The following PDE4A variants were observed in gnomAD, a reference collection of about 807,000 sequenced individuals.
PDE4A encodes the protein 3',5'-cyclic-AMP phosphodiesterase 4A.
PDE4A carries 21 observed loss-of-function variants against 73.9 expected under a neutral mutation model. The observed-to-expected ratio is 0.28, with a 90% CI of 0.20 to 0.41. The LOEUF is 0.41. PDE4A is among the 10% of genes least tolerant of loss of function. The pLI, the probability that PDE4A is intolerant of heterozygous loss-of-function variation, is 1.00. For missense variants in PDE4A, 958 were observed against 1,211.4 expected (o/e 0.79, Z 3.10); for synonymous variants, 463 against 505.4 (o/e 0.92, Z 1.13).
At chr19:10,449,023 C>T in intron 3 of PDE4A, 57 bp from the exon 4 acceptor site, 3 of 1,609,354 alleles carry the variant, frequency 1.9e-6, no homozygotes, top group Non-Finnish European at 2.5e-6. Flanking sequence ...GGGACAGGGC[C>T]CAGCCCCGCT....
chr19:10,417,241 G>C (rs927462180), upstream of PDE4A: 34 of 985,256 alleles, frequency 3.5e-5, no homozygotes, highest in African/African-American at 5.6e-4. Context: ...CGAGGAGGTG[G>C]GAGGGGGCGC....
rs201070950 is a variant in PDE4A at position 10,469,296 on chromosome 19, A to C, written c.*1675A>C. 3.3e-5 allele frequency: 5 copies of C among 152,274 alleles called. No individual in the cohort carries two copies. Among genetic ancestry groups the C allele is most frequent in the African/African-American group, 4.8e-5 (2 of 41,402 alleles). 9.4% of individuals were successfully genotyped at this position (152,274 alleles called of 1,614,324 possible). A position where few individuals can be genotyped will look rare whatever the true frequency, so the allele number is the denominator to read the frequency against. The stretch of plus-strand genomic sequence containing the variant: ...GGCTGACCCAGTCGGGAAGGTAGGG[A>C]AGGAGGTCTCCCGTTGGGAGAGTCT... On this transcript the variant is annotated 3_prime_UTR_variant, in exon 15 of 15. Coordinates refer to ENST00000380702, the MANE Select transcript of PDE4A (RefSeq NM_001111307.2).
At chr19:10,417,800 A>G, upstream of PDE4A, 1 of 1,556,070 alleles carries the variant, frequency 6.4e-7, no homozygotes, top group Non-Finnish European at 8.6e-7. Flanking sequence ...CTCTGCCGCC[A>G]CGGCCCACCA....
chr19:10,446,716 T>G lies in PDE4A; in HGVS notation c.512+307T>G, dbSNP rs1599430357. The stretch of plus-strand genomic sequence containing the variant: ...TTCAAGCAATTCTCCTGCCTCAGCC[T>G]CCCGAGTAGCTGGGACTACAGGCAC... On this transcript the variant is annotated intron_variant, in intron 2 of 14. Coordinates refer to ENST00000380702, the MANE Select transcript of PDE4A (RefSeq NM_001111307.2). Among the ~76,000 whole-genome samples the G allele has an allele frequency of 2.0e-5, 3 of 151,812 alleles. No individual in the cohort carries two copies. The East Asian group carries it at 5.8e-4, about 30-fold the overall frequency.
chr19:10,416,948 G>T, upstream of PDE4A: 1 of 1,544,156 alleles, frequency 6.5e-7, no homozygotes. Context: ...GCGAGATGAA[G>T]AGGAGTCGCA....
intron 6 of PDE4A, 200 bp from the exon 7 acceptor site, chr19:10,454,629 A>G (rs2043143973): frequency 2.5e-6 from 1 of 404,916 alleles, no homozygotes; most frequent in Non-Finnish European, 3.3e-6. Flanking sequence ...TGACTCCCCA[A>G]ACCTGGGGAC....
In PDE4A at chr19:10,431,483, C is replaced by A. The variant is rs572113403; in HGVS notation, c.320+10399C>A. ...TGAGGCTTGGTGTCACTCCTAGTAC[C>A]GGGCCACAGAGGGCAAATGGAAGTT... On this transcript the variant is annotated intron_variant, in intron 1 of 14. Transcript: ENST00000380702. Among the ~76,000 whole-genome samples the A allele has an allele frequency of 4.7e-4, 71 of 152,254 alleles. 2 individuals are homozygous for A. The South Asian group carries it at 0.011, about 23-fold the overall frequency.
chr19:10,443,076 G>C (rs1568372749), intron 1 of PDE4A, among the ~76,000 whole-genome samples: 1 of 151,912 alleles, frequency 6.6e-6, no homozygotes, highest in Non-Finnish European at 1.5e-5. Context: ...CCACTCCCGA[G>C]GCTTAGGTGG....
chr19:10,427,904 C>T (rs997386913), intron 1 of PDE4A: 53 of 967,918 alleles, frequency 5.5e-5, no homozygotes, highest in African/African-American at 1.1e-4. Flanking sequence ...GAGAGGGAGG[C>T]GGATCACTTG....
chr19:10,425,128 G>A (rs2042700734), intron 1 of PDE4A, among the ~76,000 whole-genome samples: 1 of 151,940 alleles, frequency 6.6e-6, no homozygotes, highest in African/African-American at 2.4e-5. Flanking sequence ...GGAGGCTGAG[G>A]CAGGAGAATC....
intron 1 of PDE4A, among the ~76,000 whole-genome samples, chr19:10,439,310 T>C (rs1599419352): frequency 6.6e-6 from 1 of 151,952 alleles, no homozygotes; most frequent in African/African-American, 2.4e-5. Context: ...GCCTCCCGAG[T>C]AGCTGGGACT....
At chr19:10,461,707 C>G in intron 12 of PDE4A, 27 bp downstream of exon 12, 2 of 1,610,524 alleles carry the variant, frequency 1.2e-6, no homozygotes, top group Non-Finnish European at 1.7e-6. Flanking sequence ...CGGGACGGAG[C>G]GGGAAAGGAA....
chr19:10,458,034 A>G lies in PDE4A; in HGVS notation c.1033A>G (p.Asn345Asp), dbSNP rs750516884. The G allele has an allele frequency of 1.2e-6, 2 of 1,613,866 alleles. No individual in the cohort carries two copies. Among genetic ancestry groups the G allele is most frequent in the Admixed American group, 3.3e-5 (2 of 60,026 alleles). Residue 345 changes from asparagine (N) to aspartate (D), a missense_variant, in exon 8 of 15, where the codon AAC becomes GAC. This residue lies in a region of PDE4A where 570 missense variants were observed against 827.7 expected (regional missense o/e 0.69). Transcript: ENST00000380702. This position sits in a 1 kb window ranked among gnomAD's most constrained non-coding sequence, Gnocchi z 4.6. ...ITGLKKLMHSNSLNNSNIPRF... is the reference protein window; with the variant it reads ...ITGLKKLMHSDSLNNSNIPRF... ...AGGGTTGAAAAAGTTGATGCATAGT[A>G]ACAGCCTGAACAACTCTAACATTCC...
At chr19:10,417,082 G>A, upstream of PDE4A, 1 of 1,485,006 alleles carries the variant, frequency 6.7e-7, no homozygotes, top group East Asian at 2.5e-5. Flanking sequence ...CCTGAACGTG[G>A]CTTCACTACC....
intron 4 of PDE4A, 45 bp from the exon 5 acceptor site, chr19:10,450,558 G>C (rs1363903510): frequency 1.3e-6 from 2 of 1,556,796 alleles, no homozygotes; most frequent in South Asian, 2.4e-5. Context: ...GACCTGGTGG[G>C]GGGACCCAGG....
intron 13 of PDE4A, among the ~76,000 whole-genome samples, chr19:10,463,395 C>CTTTTTT (rs35214617): frequency 2.0e-5 from 2 of 100,398 alleles, no homozygotes; most frequent in Non-Finnish European, 1.9e-5. Context: ...CAGCCCCATT[C>CTTTTTT]TTTTTTTTTT....
At chr19:10,438,230 A>C (rs964618588) in intron 1 of PDE4A, among the ~76,000 whole-genome samples, 1 of 151,648 alleles carries the variant, frequency 6.6e-6, no homozygotes, top group Non-Finnish European at 1.5e-5. Context: ...CTCGTGCCTC[A>C]GCCTCCTGAG....
upstream of PDE4A, chr19:10,417,374 T>TA (rs2042598380): frequency 5.1e-6 from 5 of 984,936 alleles, no homozygotes; most frequent in Non-Finnish European, 1.2e-6. Context: ...GGTGATGTGT[T>TA]AGAGAGGTCT....
chr19:10,418,498 T>G (rs750956626), upstream of PDE4A, among the ~76,000 whole-genome samples: 13 of 151,142 alleles, frequency 8.6e-5, no homozygotes, highest in Non-Finnish European at 1.6e-4. Context: ...GCAGTTCCAA[T>G]CCACCCCCAC....
Sources: allele counts gnomAD v4.1 joint callset (sites outside exome capture counted in the v4.1 genomes callset), GRCh38; gene constraint gnomAD v4.1.1; regional missense constraint gnomAD v4.1.1; non-coding constraint Gnocchi (gnomAD v3.1); transcripts MANE v1.5; gene names NCBI Gene and HGNC (gene_info 2026-07-23, HGNC 2026-07-21).